BCAS4: variants seen among roughly 807,000 people sequenced by gnomAD.
BCAS4 encodes the protein breast carcinoma amplified sequence 4.
In BCAS4, 9 loss-of-function variants were observed where a neutral mutation model predicts 15.7. That is an observed-to-expected ratio of 0.57 (90% CI 0.34 to 1.00). The LOEUF (loss-of-function observed/expected upper bound fraction) is 1.00, where lower values mean the gene tolerates loss of function less well. BCAS4 is among the 50% of genes least tolerant of loss of function. BCAS4 has a pLI of 0.02. For synonymous variants in BCAS4, 101 were observed against 99.5 expected (o/e 1.02, Z -0.09); for missense variants, 225 against 239.1 (o/e 0.94, Z 0.39).
rs2088250376 is a variant in BCAS4, at chr20:50,824,185, C to G, written c.162+5903C>G. Among the ~76,000 whole-genome samples, 4 of 152,238 alleles carry G rather than the reference C, an allele frequency of 2.6e-5. No homozygotes were observed. In the South Asian group the frequency reaches 8.3e-4, roughly 32 times the overall value. ...GGTTTGGGTAGCTTGTCCAGTCCCT[C>G]TGAAACTCCAGTGGCCTTCGGCCCA... On this transcript the variant is annotated intron_variant, in intron 2 of 4. Transcript: ENST00000371608.
chr20:50,849,329 G>A (rs184447020), intron 4 of BCAS4, among the ~76,000 whole-genome samples: 47 of 152,308 alleles, frequency 3.1e-4, no homozygotes, highest in African/African-American at 1.1e-3. Context: ...TGCTGCCCTG[G>A]GGGAGGGAAG....
intron 4 of BCAS4, among the ~76,000 whole-genome samples, chr20:50,842,791 G>C (rs2088501375): frequency 6.6e-6 from 1 of 152,168 alleles, no homozygotes; most frequent in Non-Finnish European, 1.5e-5. Flanking sequence ...GAGGCCACGG[G>C]CCTGGAGCGC....
At position 50,863,749 on chromosome 20, in the gene BCAS4, A is replaced by T. The variant is rs558394637; in HGVS notation, c.400-12737A>T. The stretch of plus-strand genomic sequence containing the variant: ...AAGGGGACGGATCTGGAGGTTGGAC[A>T]CTGACTGCAGGCGTCTGGGCCTAAA... On this transcript the variant is annotated intron_variant, in intron 4 of 4. Coordinates refer to ENST00000371608, the MANE Select transcript of BCAS4 (RefSeq NM_198799.4). Among the ~76,000 whole-genome samples the T allele has an allele frequency of 2.0e-5, 3 of 152,294 alleles. No homozygotes were observed. In the South Asian group the frequency reaches 6.2e-4, roughly 32 times the overall value.
chr20:50,814,434 G>A (rs1486616378), intron 1 of BCAS4, among the ~76,000 whole-genome samples: 3 of 152,202 alleles, frequency 2.0e-5, no homozygotes, highest in African/African-American at 7.2e-5. Context: ...CCACACAGGT[G>A]TGCACCACCA....
intron 2 of BCAS4, among the ~76,000 whole-genome samples, chr20:50,829,681 G>A (rs2088320261): frequency 6.6e-6 from 1 of 151,986 alleles, no homozygotes; most frequent in South Asian, 2.1e-4. Flanking sequence ...AAGGAAAAAG[G>A]AACCATCAGC....
downstream of BCAS4, chr20:50,879,730 G>C (rs1980080755): frequency 6.6e-6 from 1 of 152,214 alleles, no homozygotes; most frequent in Non-Finnish European, 1.5e-5. Context: ...GGACCCACAG[G>C]CCCCACGCTA....
chr20:50,835,216 A>G (rs1194980116), intron 3 of BCAS4, among the ~76,000 whole-genome samples: 1 of 149,854 alleles, frequency 6.7e-6, no homozygotes, highest in Non-Finnish European at 1.5e-5. Context: ...TGACTACACT[A>G]TTTTGAACTC....
intron 1 of BCAS4, among the ~76,000 whole-genome samples, chr20:50,812,589 G>A (rs2088084682): frequency 6.6e-6 from 1 of 151,796 alleles, no homozygotes; most frequent in Admixed American, 6.6e-5. Context: ...ACAGGCTTGT[G>A]CCACTACGTC....
At chr20:50,870,718 C>A (rs1979595559) in intron 4 of BCAS4, among the ~76,000 whole-genome samples, 2 of 152,236 alleles carry the variant, frequency 1.3e-5, no homozygotes, top group African/African-American at 4.8e-5. Context: ...CAGTTAATTC[C>A]ATTTTTACAA....
intron 1 of BCAS4, among the ~76,000 whole-genome samples, chr20:50,796,474 TA>T (rs1569013175): frequency 5.0e-3 from 68 of 13,478 alleles, no homozygotes; most frequent in African/African-American, 0.012. Flanking sequence ...TATATATATA[TA>T]TATATATATA....
chr20:50,796,477 A>ATTTTTTTTTTTTTTTT (rs1569013222), intron 1 of BCAS4, among the ~76,000 whole-genome samples: 1 of 13,012 alleles, frequency 7.7e-5, no homozygotes, highest in Non-Finnish European at 1.4e-4. Flanking sequence ...ATATATATAT[A>ATTTTTTTTTTTTTTTT]TATATATATA....
At chr20:50,825,635 G>A (rs1330492849) in intron 2 of BCAS4, among the ~76,000 whole-genome samples, 2 of 152,230 alleles carry the variant, frequency 1.3e-5, no homozygotes, top group African/African-American at 2.4e-5. Context: ...CCAGCACTTT[G>A]GGAAGCCAAG....
downstream of BCAS4, chr20:50,879,056 A>G (rs975616057): frequency 6.6e-6 from 1 of 151,556 alleles, no homozygotes; most frequent in African/African-American, 2.4e-5. Flanking sequence ...ACGGTGTGTC[A>G]TCTCTTGTCT....
At chr20:50,839,622 T>C (rs1244431324) in intron 3 of BCAS4, among the ~76,000 whole-genome samples, 1 of 152,124 alleles carries the variant, frequency 6.6e-6, no homozygotes, top group Non-Finnish European at 1.5e-5. Context: ...CGTACCTTAG[T>C]CTCCCGAGTA....
At chr20:50,825,728 T>G (rs1455945586) in intron 2 of BCAS4, among the ~76,000 whole-genome samples, 1 of 151,950 alleles carries the variant, frequency 6.6e-6, no homozygotes, top group Non-Finnish European at 1.5e-5. Flanking sequence ...AATACAAAAA[T>G]TAGCCAGGCA....
chr20:50,840,634 T>G, intron 3 of BCAS4: 2 of 1,607,638 alleles, frequency 1.2e-6, no homozygotes. Flanking sequence ...GCCTGCTTGC[T>G]TCTCCTGTTC....
chr20:50,863,681 C>T (rs1403138997), intron 4 of BCAS4, among the ~76,000 whole-genome samples: 1 of 152,192 alleles, frequency 6.6e-6, no homozygotes, highest in Non-Finnish European at 1.5e-5. Context: ...TCTGATGTGA[C>T]AGCAGTTGGT....
At chr20:50,870,632 A>T (rs1037997350) in intron 4 of BCAS4, among the ~76,000 whole-genome samples, 1 of 152,230 alleles carries the variant, frequency 6.6e-6, no homozygotes, top group Non-Finnish European at 1.5e-5. Context: ...GTGGGCCCGG[A>T]GTTGCCCAAT....
chr20:50,828,785 C>G (rs755271537), intron 2 of BCAS4, among the ~76,000 whole-genome samples: 7 of 152,026 alleles, frequency 4.6e-5, no homozygotes, highest in Non-Finnish European at 1.0e-4. Flanking sequence ...TCTCAAAAAA[C>G]AAACAAAAGT....
Sources: gnomAD v4.1 joint callset for allele counts (sites outside exome capture counted in the v4.1 genomes callset) on GRCh38, gnomAD v4.1.1 for gene constraint, MANE v1.5 for transcripts, NCBI Gene and HGNC (gene_info 2026-07-23, HGNC 2026-07-21) for gene names.